EGFL8: variants seen among roughly 807,000 people sequenced by gnomAD.
The protein encoded by EGFL8 is epidermal growth factor-like protein 8.
EGFL8 carries 32 observed loss-of-function variants against 39.4 expected under a neutral mutation model. That is an observed-to-expected ratio of 0.81 (90% CI 0.61 to 1.09). EGFL8 has a LOEUF of 1.09. Ranked by LOEUF, EGFL8 falls within the 50% of genes least tolerant of loss-of-function variation. EGFL8 has a pLI of 0.00. For missense variants in EGFL8, 385 were observed against 402.2 expected (o/e 0.96, Z 0.37); for synonymous variants, 177 against 168.5 (o/e 1.05, Z -0.39).
At position 32,166,464 on chromosome 6, in the gene EGFL8, A is replaced by G. The variant is rs1784491161; in HGVS notation, c.102-34A>G. On this transcript the variant is annotated intron_variant, in intron 2 of 8. Coordinates refer to ENST00000333845, the MANE Select transcript of EGFL8 (RefSeq NM_030652.4). This position sits in a 1 kb window ranked among gnomAD's most constrained non-coding sequence, Gnocchi z 7.3. Reference sequence around the variant, plus strand: ...GGCTCCCCAGGGCCTGGCCTACTCAATCTCTCCCACCTCATCCTCTGGCAT... The same window carrying G: ...GGCTCCCCAGGGCCTGGCCTACTCAGTCTCTCCCACCTCATCCTCTGGCAT... 6.2e-7 allele frequency: 1 copy of G among 1,613,022 alleles called. No homozygotes were observed. The highest frequency in any genetic ancestry group is 8.5e-7 in the Non-Finnish European group (1 of 1,179,930).
Position 32,167,243 on chromosome 6 carries a change from T to C in EGFL8, c.587T>C (p.Ile196Thr). ...GSPEPPTSAS[I>T]LSVAVREAEK... ...CCAGAGCCCCCAACCAGTGCCAGCATACTCAGCGTGGCCGGTGAGTGGGCA... is the reference window on the plus strand; with the variant it reads ...CCAGAGCCCCCAACCAGTGCCAGCACACTCAGCGTGGCCGGTGAGTGGGCA... Residue 196 changes from isoleucine (I) to threonine (T), a missense_variant, in exon 6 of 9, where the codon ATA becomes ACA. Coordinates refer to ENST00000333845, the MANE Select transcript of EGFL8 (RefSeq NM_030652.4). The surrounding 1 kb of genome is among the most constrained non-coding windows in gnomAD (Gnocchi z 6.4). 2 of 1,612,168 alleles carry C rather than the reference T, an allele frequency of 1.2e-6. No homozygotes were observed. Among genetic ancestry groups the C allele is most frequent in the Non-Finnish European group, 1.7e-6 (2 of 1,179,508 alleles).
chr6:32,166,041 C>T lies in EGFL8; in HGVS notation c.-28-97C>T. On this transcript the variant is annotated intron_variant, in intron 1 of 8. Coordinates refer to ENST00000333845, the MANE Select transcript of EGFL8 (RefSeq NM_030652.4). The surrounding 1 kb of genome is among the most constrained non-coding windows in gnomAD (Gnocchi z 7.3). ...TATGTAAAAGTGAATGTCCTGACTC[C>T]CTTAGAGGGTACCTGCAGAGTGCCC... is the stretch of plus-strand genomic sequence containing the variant. The T allele has an allele frequency of 1.1e-6, 1 of 912,668 alleles. No individual in the cohort carries two copies. Among genetic ancestry groups the T allele is most frequent in the Non-Finnish European group, 1.8e-6 (1 of 563,218 alleles). The allele number at this position is 912,668 out of a possible 1,614,324, so 56.5% of individuals were successfully genotyped here. A position where few individuals can be genotyped will look rare whatever the true frequency, so the allele number is the denominator to read the frequency against.
rs1480929135 is a variant in EGFL8, at chr6:32,166,917, C to A, written c.342C>A (p.Cys114Ter). Residue 114 changes from cysteine (C) to a stop codon, truncating the protein, a stop_gained, in exon 5 of 9, where the codon TGC becomes TGA. Transcript: ENST00000333845. LOFTEE classifies it high-confidence loss of function. The surrounding 1 kb of genome is among the most constrained non-coding windows in gnomAD (Gnocchi z 7.3). The stretch of plus-strand genomic sequence containing the variant: ...CACTTCCTCTGTCCTCAGCCATCTG[C>A]GCCAAGCCTTGCCTGAACGGAGGCG... The part of the protein sequence containing the change: ...HPGALTCEAI[C>*]AKPCLNGGVC... 6.2e-7 allele frequency: 1 copy of A among 1,611,560 alleles called. No homozygotes were observed. Among genetic ancestry groups the A allele is most frequent in the Non-Finnish European group, 8.5e-7 (1 of 1,178,460 alleles).
Position 32,167,430 on chromosome 6 carries a change from G to T in EGFL8, c.681+1G>T, listed in dbSNP as rs1003010990. ...AGGGCGCCTGGAGCGGCTGGAGCAGGTGAGCCAAGCCTGCTGGGTGGGGCG... is the reference window on the plus strand; with the variant it reads ...AGGGCGCCTGGAGCGGCTGGAGCAGTTGAGCCAAGCCTGCTGGGTGGGGCG... On this transcript the variant is annotated splice_donor_variant, in intron 7 of 8. Transcript: ENST00000333845. LOFTEE classifies it high-confidence loss of function. The surrounding 1 kb of genome is among the most constrained non-coding windows in gnomAD (Gnocchi z 6.4). The T allele has an allele frequency of 6.2e-7, 1 of 1,612,840 alleles. No individual in the cohort carries two copies.
Position 32,167,628 on chromosome 6 carries a change from G to A in EGFL8, c.807G>A (p.Val269=). The A allele has an allele frequency of 6.2e-7, 1 of 1,610,316 alleles. No individual in the cohort carries two copies. Among genetic ancestry groups the A allele is most frequent in the South Asian group, 1.1e-5 (1 of 90,906 alleles). Residue 269 remains valine, a synonymous_variant, in exon 8 of 9, where the codon GTG becomes GTA. Coordinates refer to ENST00000333845, the MANE Select transcript of EGFL8 (RefSeq NM_030652.4). This position sits in a 1 kb window ranked among gnomAD's most constrained non-coding sequence, Gnocchi z 6.4. ...GDRIESLSDQ[V]LLLEERLGAC... is the part of the protein sequence containing the mutation. ...GGATCGAATCTCTCAGCGACCAGGT[G>A]CTGCTGCTGGAGGAGAGGCTAGGTG...
In EGFL8 at chr6:32,167,479, C is replaced by G; in HGVS notation, c.682-24C>G. The G allele has an allele frequency of 1.2e-6, 2 of 1,610,298 alleles. No individual in the cohort carries two copies. The highest frequency in any genetic ancestry group is 1.7e-6 in the Non-Finnish European group (2 of 1,179,716). On this transcript the variant is annotated intron_variant, in intron 7 of 8. Coordinates refer to ENST00000333845, the MANE Select transcript of EGFL8 (RefSeq NM_030652.4). This position sits in a 1 kb window ranked among gnomAD's most constrained non-coding sequence, Gnocchi z 6.4. ...CGAGGCCAGACGTCACTGTCAATAC[C>G]CTGAGGCATCTCTTCCTTTCTAGTG...
rs1298648571 is a variant in EGFL8, at chr6:32,166,455, G to A, written c.102-43G>A. 2 of 1,612,896 alleles carry A rather than the reference G, an allele frequency of 1.2e-6. No homozygotes were observed. Among genetic ancestry groups the A allele is most frequent in the Non-Finnish European group, 1.7e-6 (2 of 1,179,868 alleles). ...GGGACTCCTGGCTCCCCAGGGCCTG[G>A]CCTACTCAATCTCTCCCACCTCATC... is the stretch of plus-strand genomic sequence containing the variant. On this transcript the variant is annotated intron_variant, in intron 2 of 8. Coordinates refer to ENST00000333845, the MANE Select transcript of EGFL8 (RefSeq NM_030652.4). The surrounding 1 kb of genome is among the most constrained non-coding windows in gnomAD (Gnocchi z 7.3).
rs929144917 is a variant in EGFL8, at chr6:32,167,408, G to A, written c.660G>A (p.Gly220=). ...AGCAGGAGATTCACGAGCTGCGAGGGCGCCTGGAGCGGCTGGAGCAGGTGA... is the reference window on the plus strand; with the variant it reads ...AGCAGGAGATTCACGAGCTGCGAGGACGCCTGGAGCGGCTGGAGCAGGTGA... The part of the protein sequence containing the change: ...ALKQEIHELR[G]RLERLEQWAG... The change falls in exon 7 of 9, where the codon GGG becomes GGA. Residue 220 remains glycine, a synonymous_variant. Transcript: ENST00000333845. The surrounding 1 kb of genome is among the most constrained non-coding windows in gnomAD (Gnocchi z 6.4). The A allele has an allele frequency of 6.2e-7, 1 of 1,612,892 alleles. No homozygotes were observed. Among genetic ancestry groups the A allele is most frequent in the Non-Finnish European group, 8.5e-7 (1 of 1,180,032 alleles).
rs770958612 is a variant in EGFL8, at chr6:32,167,423, G to A, written c.675G>A (p.Leu225=). 3 of 1,612,798 alleles carry A rather than the reference G, an allele frequency of 1.9e-6. No individual in the cohort carries two copies. Among genetic ancestry groups the A allele is most frequent in the East Asian group, 2.2e-5 (1 of 44,894 alleles). Residue 225 remains leucine, a synonymous_variant, in exon 7 of 9, where the codon CTG becomes CTA. Transcript: ENST00000333845. The surrounding 1 kb of genome is among the most constrained non-coding windows in gnomAD (Gnocchi z 6.4). ...AGCTGCGAGGGCGCCTGGAGCGGCT[G>A]GAGCAGGTGAGCCAAGCCTGCTGGG... The part of the protein sequence containing the change: ...IHELRGRLER[L]EQWAGQAGAW...
chr6:32,166,963 T>TG lies in EGFL8; in HGVS notation c.389dup (p.Cys130TrpfsTer18). 1 of 1,613,224 alleles carries TG rather than the reference T, an allele frequency of 6.2e-7. No individual in the cohort carries two copies. The highest frequency in any genetic ancestry group is 1.1e-5 in the South Asian group (1 of 91,076). ...AGGCGTCTGCGTTAGGCCTGACCAG[T>TG]GCGAGTGCGCCCCCGGCTGGGGAGG... is the stretch of plus-strand genomic sequence containing the variant. On this transcript the variant is annotated frameshift_variant, in exon 5 of 9. Coordinates refer to ENST00000333845, the MANE Select transcript of EGFL8 (RefSeq NM_030652.4). LOFTEE classifies it high-confidence loss of function. This position sits in a 1 kb window ranked among gnomAD's most constrained non-coding sequence, Gnocchi z 7.3.
Position 32,168,234 on chromosome 6 carries a change from G to GT in EGFL8, c.*285dup, listed in dbSNP as rs200419706. 0.011 allele frequency: 4,936 copies of GT among 459,520 alleles called. 205 individuals are homozygous for GT. The highest frequency in any genetic ancestry group is 0.084 in the East Asian group (2,510 of 29,918). 28.5% of individuals were successfully genotyped at this position (459,520 alleles called of 1,614,324 possible). Reference sequence around the variant, plus strand: ...AGATCTCTCTCTCTCTTTATTTTCAGTTTTTTTGCTGTTATCCAGATAATT... The same window carrying GT: ...AGATCTCTCTCTCTCTTTATTTTCAGTTTTTTTTGCTGTTATCCAGATAATT... On this transcript the variant is annotated 3_prime_UTR_variant, in exon 9 of 9. Transcript: ENST00000333845. This position sits in a 1 kb window ranked among gnomAD's most constrained non-coding sequence, Gnocchi z 4.5.
In EGFL8 at chr6:32,166,400, G is replaced by T. The variant is rs1382077334; in HGVS notation, c.102-98G>T. 7 of 1,595,932 alleles carry T rather than the reference G, an allele frequency of 4.4e-6. No homozygotes were observed. The highest frequency in any genetic ancestry group is 6.0e-6 in the Non-Finnish European group (7 of 1,166,194). ...AGAGGCTGTCATCTGGAGGGAGAGC[G>T]GGGGGCCTCAGTAGCCTCTTGAGGG... is the stretch of plus-strand genomic sequence containing the variant. On this transcript the variant is annotated intron_variant, in intron 2 of 8. Transcript: ENST00000333845. This position sits in a 1 kb window ranked among gnomAD's most constrained non-coding sequence, Gnocchi z 7.3.
chr6:32,166,549 G>T lies in EGFL8; in HGVS notation c.153G>T (p.Glu51Asp). The T allele has an allele frequency of 6.2e-7, 1 of 1,614,060 alleles. No homozygotes were observed. Among genetic ancestry groups the T allele is most frequent in the Non-Finnish European group, 8.5e-7 (1 of 1,180,024 alleles). Reference protein sequence around the residue: ...QTLVVPLHYNESYSQPVYKPY... With the variant: ...QTLVVPLHYNDSYSQPVYKPY... The stretch of plus-strand genomic sequence containing the variant: ...TGGTGGTCCCGCTCCACTACAACGA[G>T]TCCTACAGCCAACCAGTGTACAAGC... The change falls in exon 3 of 9, where the codon GAG becomes GAT. Residue 51 changes from glutamate to aspartate, a missense_variant. Glu to Asp is a conservative substitution (Grantham distance 45). Coordinates refer to ENST00000333845, the MANE Select transcript of EGFL8 (RefSeq NM_030652.4). The surrounding 1 kb of genome is among the most constrained non-coding windows in gnomAD (Gnocchi z 7.3).
rs1303353421 is a variant in EGFL8 at position 32,166,996 on chromosome 6, T to C, written c.421T>C (p.Cys141Arg). The change falls in exon 5 of 9, where the codon TGT (cysteine) becomes CGT (arginine). Residue 141 changes from cysteine to arginine, a missense_variant. By Grantham distance (180) the Cys-to-Arg change is radical. Transcript: ENST00000333845. This position sits in a 1 kb window ranked among gnomAD's most constrained non-coding sequence, Gnocchi z 7.3. ...CGCCCCCGGCTGGGGAGGGAAGCAC[T>C]GTCATGTGGGTGAGTCAGCTTGTCC... is the stretch of plus-strand genomic sequence containing the variant. ...ECAPGWGGKH[C>R]HVDVDECRTS... is the part of the protein sequence containing the mutation. 2.5e-6 allele frequency: 4 copies of C among 1,612,978 alleles called. No individual in the cohort carries two copies. The highest frequency in any genetic ancestry group is 3.4e-6 in the Non-Finnish European group (4 of 1,180,002).
rs71749237 is a variant in EGFL8, at chr6:32,168,170, GCTT to G, written c.*219_*221del. On this transcript the variant is annotated 3_prime_UTR_variant, in exon 9 of 9. Coordinates refer to ENST00000333845, the MANE Select transcript of EGFL8 (RefSeq NM_030652.4). The surrounding 1 kb of genome is among the most constrained non-coding windows in gnomAD (Gnocchi z 4.5). ...GGGGCAGGTTGCCTGGGCAAGAACT[GCTT>G]CTTCAATTCCTTAACAAATGCAACC... The G allele has an allele frequency of 0.036, 18,829 of 516,490 alleles. 581 individuals are homozygous for G. Among genetic ancestry groups the G allele is most frequent in the African/African-American group, 0.097 (5,082 of 52,478 alleles). 32.0% of individuals were successfully genotyped at this position (516,490 alleles called of 1,614,324 possible).
Position 32,167,293 on chromosome 6 carries a change from C to T in EGFL8, c.601+36C>T, listed in dbSNP as rs369381010. The T allele has an allele frequency of 6.3e-6, 10 of 1,590,858 alleles. No individual in the cohort carries two copies. The highest frequency in any genetic ancestry group is 7.7e-6 in the Non-Finnish European group (9 of 1,170,224). ...AGGAGTACGGGCCACCCGAGGGACT[C>T]GGGACGGGCGTCCGGGCTCGGGTAG... On this transcript the variant is annotated intron_variant, in intron 6 of 8. Coordinates refer to ENST00000333845, the MANE Select transcript of EGFL8 (RefSeq NM_030652.4). This position sits in a 1 kb window ranked among gnomAD's most constrained non-coding sequence, Gnocchi z 6.4.
rs556222503 is a variant in EGFL8 at position 32,167,619 on chromosome 6, C to T, written c.798C>T (p.Ser266=). Residue 266 remains serine, a synonymous_variant, in exon 8 of 9, where the codon AGC becomes AGT. Transcript: ENST00000333845. The surrounding 1 kb of genome is among the most constrained non-coding windows in gnomAD (Gnocchi z 6.4). ...GGGGTGACCGGATCGAATCTCTCAG[C>T]GACCAGGTGCTGCTGCTGGAGGAGA... The part of the protein sequence containing the change: ...WGRGDRIESL[S]DQVLLLEERL... 51 of 1,610,800 alleles carry T rather than the reference C, an allele frequency of 3.2e-5. No individual in the cohort carries two copies. Among genetic ancestry groups the T allele is most frequent in the East Asian group, 2.2e-4 (10 of 44,886 alleles).
Position 32,167,568 on chromosome 6 carries a change from A to T in EGFL8, c.747A>T (p.Pro249=), listed in dbSNP as rs1405721746. Residue 249 remains proline (P), a synonymous_variant, in exon 8 of 9, where the codon CCA becomes CCT. Coordinates refer to ENST00000333845, the MANE Select transcript of EGFL8 (RefSeq NM_030652.4). The surrounding 1 kb of genome is among the most constrained non-coding windows in gnomAD (Gnocchi z 6.4). ...CCGTGCCGCCTGAAGAGCTGCAGCC[A>T]GAACAGGTGGCTGAGCTGTGGGGCC... ...VLPVPPEELQ[P]EQVAELWGRG... 5.0e-6 allele frequency: 8 copies of T among 1,610,462 alleles called. No individual in the cohort carries two copies. In the Admixed American group the frequency reaches 1.3e-4, roughly 27 times the overall value.
rs755868551 is a variant in EGFL8, at chr6:32,167,318, G to A, written c.602-32G>A. ...CGGGACGGGCGTCCGGGCTCGGGTA[G>A]TGGTCACACTCTTGGTCTCCTTTGT... On this transcript the variant is annotated intron_variant, in intron 6 of 8. Transcript: ENST00000333845. This position sits in a 1 kb window ranked among gnomAD's most constrained non-coding sequence, Gnocchi z 6.4. 1 of 1,612,944 alleles carries A rather than the reference G, an allele frequency of 6.2e-7. No individual in the cohort carries two copies. Among genetic ancestry groups the A allele is most frequent in the Non-Finnish European group, 8.5e-7 (1 of 1,179,996 alleles).
Sources: allele counts gnomAD v4.1 joint callset, GRCh38; gene constraint gnomAD v4.1.1; non-coding constraint Gnocchi (gnomAD v3.1); transcripts MANE v1.5; gene names NCBI Gene and HGNC (gene_info 2026-07-23, HGNC 2026-07-21).